The following TPCN1 variants were observed in gnomAD, a reference collection of about 807,000 sequenced individuals.
TPCN1 encodes two pore channel protein 1.
Under a neutral mutation model 108.8 loss-of-function variants are expected in TPCN1, and 52 were observed. The observed-to-expected ratio is 0.48, with a 90% CI of 0.38 to 0.60. The LOEUF (loss-of-function observed/expected upper bound fraction) is 0.60. Among genes scored for constraint, TPCN1 ranks in the 20% least tolerant of loss-of-function variants. The probability of loss-of-function intolerance (pLI) is 0.00; values close to 1 mark genes in which losing one functional copy is unlikely to be tolerated. For missense variants in TPCN1, 806 were observed against 1,072.8 expected, an observed-to-expected ratio of 0.75 and a Z score of 3.47; for synonymous variants, 446 against 433.7, an observed-to-expected ratio of 1.03 and a Z score of -0.35.
chr12:113,252,263 T>C (rs930271937), intron 2 of TPCN1, among the ~76,000 whole-genome samples: 1 of 152,088 alleles, frequency 6.6e-6, no homozygotes, highest in African/African-American at 2.4e-5. Flanking sequence ...GGGAGTGTCA[T>C]TGAGGCTTGT....
At position 113,260,106 on chromosome 12, in the gene TPCN1, C is replaced by T. The variant is rs185136147; in HGVS notation, c.113-262C>T. ...TCGATGTATTTATGTTTTCTTGTTTCCTCCCTTTTGTACACATTAGAGAGC... is the reference window on the plus strand; with the variant it reads ...TCGATGTATTTATGTTTTCTTGTTTTCTCCCTTTTGTACACATTAGAGAGC... On this transcript the variant is annotated intron_variant, in intron 2 of 27. Coordinates refer to ENST00000335509, the MANE Select transcript of TPCN1 (RefSeq NM_017901.6). Among the ~76,000 whole-genome samples the T allele has an allele frequency of 5.8e-3, 878 of 152,162 alleles. 5 individuals are homozygous for T. The highest frequency in any genetic ancestry group is 8.7e-3 in the Non-Finnish European group (592 of 67,992).
chr12:113,266,328 C>T lies in TPCN1; in HGVS notation c.386C>T (p.Ala129Val). The change falls in exon 4 of 28, where the codon GCC (alanine) becomes GTC (valine). Residue 129 changes from alanine (A) to valine (V), a missense_variant. Transcript: ENST00000335509. The surrounding 1 kb of genome is among the most constrained non-coding windows in gnomAD (Gnocchi z 4.2). ...CTGCTCTCCCTGTGCGAGGCCCCCGCCGTCCCCGCACTCCGGCTTGGCATC... is the reference window on the plus strand; with the variant it reads ...CTGCTCTCCCTGTGCGAGGCCCCCGTCGTCCCCGCACTCCGGCTTGGCATC... The part of the protein sequence containing the change: ...LLLLSLCEAP[A>V]VPALRLGIYV... 6.2e-7 allele frequency: 1 copy of T among 1,610,262 alleles called. No individual in the cohort carries two copies. Among genetic ancestry groups the T allele is most frequent in the Non-Finnish European group, 8.5e-7 (1 of 1,180,008 alleles).
intron 7 of TPCN1, among the ~76,000 whole-genome samples, chr12:113,270,271 A>G (rs1955438799): frequency 6.6e-6 from 1 of 152,150 alleles, no homozygotes; most frequent in Non-Finnish European, 1.5e-5. Flanking sequence ...TGCTGTAACA[A>G]AATGCCATAG....
intron 2 of TPCN1, among the ~76,000 whole-genome samples, chr12:113,242,837 C>A: frequency 6.6e-6 from 1 of 152,190 alleles, no homozygotes; most frequent in East Asian, 1.9e-4. Context: ...TGAGTTCCTC[C>A]CTGCCACTGG....
chr12:113,224,482 C>T (rs1237926401), intron 1 of TPCN1, among the ~76,000 whole-genome samples: 2 of 151,062 alleles, frequency 1.3e-5, no homozygotes, highest in Non-Finnish European at 3.0e-5. Flanking sequence ...CTGCAAGCTC[C>T]GCCTCCCGGG....
At position 113,272,716 on chromosome 12, in the gene TPCN1, G is replaced by A. The variant is rs377252088; in HGVS notation, c.783+24G>A. 26 of 1,610,448 alleles carry A rather than the reference G, an allele frequency of 1.6e-5. No homozygotes were observed. Among genetic ancestry groups the A allele is most frequent in the South Asian group, 1.4e-4 (13 of 90,984 alleles). ...CCGTAAGTAATCAGCACATTTGTCC[G>A]TCTCTTCTTTTATGGAGGGCTTTTC... On this transcript the variant is annotated intron_variant, in intron 8 of 27. Transcript: ENST00000335509. The surrounding 1 kb of genome is among the most constrained non-coding windows in gnomAD (Gnocchi z 4.1).
At position 113,226,873 on chromosome 12, in the gene TPCN1, C is replaced by G; in HGVS notation, c.21C>G (p.Asp7Glu). 6.2e-7 allele frequency: 1 copy of G among 1,614,128 alleles called. No individual in the cohort carries two copies. The highest frequency in any genetic ancestry group is 8.5e-7 in the Non-Finnish European group (1 of 1,180,040). MAVSLD[D>E]DVPLILTLDE... The stretch of plus-strand genomic sequence containing the variant: ...AGAACATGGCTGTGAGTTTGGATGA[C>G]GACGTGCCGCTCATCCTGACCTTGG... The change falls in exon 2 of 28, where the codon GAC becomes GAG. Residue 7 changes from aspartate (D) to glutamate (E), a missense_variant. Physicochemically the swap from Asp to Glu is conservative, Grantham distance 45 (BLOSUM62 2). Transcript: ENST00000335509.
chr12:113,256,748 AATC>A (rs200542390), intron 2 of TPCN1, among the ~76,000 whole-genome samples: 153 of 152,266 alleles, frequency 1.0e-3, no homozygotes, highest in African/African-American at 3.6e-3. Context: ...TGCCCAGGTT[AATC>A]TTGAACTCTT....
intron 19 of TPCN1, among the ~76,000 whole-genome samples, chr12:113,287,850 T>G (rs1193970391): frequency 6.6e-6 from 1 of 152,186 alleles, no homozygotes; most frequent in Non-Finnish European, 1.5e-5. Flanking sequence ...CCCCGCTCTT[T>G]CCCAGGAGCA....
At chr12:113,286,593 T>C (rs574789991) in intron 18 of TPCN1, among the ~76,000 whole-genome samples, 1 of 152,334 alleles carries the variant, frequency 6.6e-6, no homozygotes, top group East Asian at 1.9e-4. Context: ...AAAAAGTTCC[T>C]TGGGGTCAGG....
intron 3 of TPCN1, among the ~76,000 whole-genome samples, chr12:113,265,548 C>CT (rs773726528): frequency 0.014 from 1,953 of 140,932 alleles, 34 homozygotes; most frequent in South Asian, 0.058. Context: ...CTTTTTCTTT[C>CT]TTTTTTTTTT....
chr12:113,260,445 G>T lies in TPCN1; in HGVS notation c.190G>T (p.Ala64Ser), dbSNP rs199561096. Residue 64 changes from alanine (A) to serine (S), a missense_variant, in exon 3 of 28, where the codon GCA becomes TCA. Ala to Ser is a moderately conservative substitution (Grantham distance 99). Coordinates refer to ENST00000335509, the MANE Select transcript of TPCN1 (RefSeq NM_017901.6). ...GGGTGAGAGTTCCCCCTCCAGCCCC[G>T]CACACAACTGGGAGATGAATTACCA... is the stretch of plus-strand genomic sequence containing the variant. ...SGGESSPSSP[A>S]HNWEMNYQEA... 6.4e-7 allele frequency: 1 copy of T among 1,561,254 alleles called. No homozygotes were observed. Among genetic ancestry groups the T allele is most frequent in the Non-Finnish European group, 8.6e-7 (1 of 1,157,486 alleles).
At chr12:113,279,311 ATATATATGTGTGTGTGTGTGTGTGTG>A in intron 14 of TPCN1, among the ~76,000 whole-genome samples, 11 of 130,674 alleles carry the variant, frequency 8.4e-5, no homozygotes, top group African/African-American at 3.0e-4. Context: ...GTGTGTGTAT[ATATATATGTGTGTGTGTGTGTGTGTG>A]TATATATATG....
chr12:113,288,808 T>C lies in TPCN1; in HGVS notation c.1757T>C (p.Met586Thr). Residue 586 changes from methionine to threonine, a missense_variant, in exon 21 of 28, where the codon ATG (methionine) becomes ACG (threonine). Coordinates refer to ENST00000335509, the MANE Select transcript of TPCN1 (RefSeq NM_017901.6). The surrounding 1 kb of genome is among the most constrained non-coding windows in gnomAD (Gnocchi z 4.8). ...TACTACTCCTTCGCCATCGTGGGCATGGAGTTCTTCTGCGGGATCGTCTTC... is the reference window on the plus strand; with the variant it reads ...TACTACTCCTTCGCCATCGTGGGCACGGAGTTCTTCTGCGGGATCGTCTTC... ...IFYYSFAIVG[M>T]EFFCGIVFPN... 6.2e-7 allele frequency: 1 copy of C among 1,613,664 alleles called. No homozygotes were observed. The highest frequency in any genetic ancestry group is 8.5e-7 in the Non-Finnish European group (1 of 1,180,030).
chr12:113,222,596 A>ACAGG (rs1953284120), intron 1 of TPCN1, among the ~76,000 whole-genome samples: 1 of 152,270 alleles, frequency 6.6e-6, no homozygotes, highest in Non-Finnish European at 1.5e-5. Flanking sequence ...CAAAGGCAGT[A>ACAGG]CAGGCAGGCA....
At chr12:113,293,390 C>G (rs1956331926) in intron 27 of TPCN1, 41 bp downstream of exon 27, 2 of 1,585,770 alleles carry the variant, frequency 1.3e-6, no homozygotes, top group Admixed American at 3.3e-5. Context: ...CTCCCCCAAG[C>G]TATGTCCTGG....
At chr12:113,277,119 C>T in intron 11 of TPCN1, 84 bp downstream of exon 11, 1 of 1,597,164 alleles carries the variant, frequency 6.3e-7, no homozygotes, top group Non-Finnish European at 8.6e-7. Flanking sequence ...CCAGGCCAGC[C>T]ACTTTAGAAA....
Position 113,255,531 on chromosome 12 carries a change from A to AT in TPCN1, c.113-4825dup, listed in dbSNP as rs1166310005. ...ATTGACTAATTATTATTATTAATTA[A>AT]TTTTTTTTTTTTGAGACAGAGTCTC... On this transcript the variant is annotated intron_variant, in intron 2 of 27. Transcript: ENST00000335509. 3.8e-3 allele frequency among the ~76,000 whole-genome samples: 558 copies of AT among 146,998 alleles called. 2 individuals carry two copies. The highest frequency in any genetic ancestry group is 5.0e-3 in the Non-Finnish European group (329 of 66,302).
In TPCN1 at chr12:113,272,636, ATC is replaced by A; in HGVS notation, c.749-20_749-19del. 1 of 1,612,066 alleles carries A rather than the reference ATC, an allele frequency of 6.2e-7. No individual in the cohort carries two copies. The highest frequency in any genetic ancestry group is 8.5e-7 in the Non-Finnish European group (1 of 1,178,116). On this transcript the variant is annotated intron_variant, in intron 7 of 27. Transcript: ENST00000335509. The surrounding 1 kb of genome is among the most constrained non-coding windows in gnomAD (Gnocchi z 4.1). ...GACCTCTGCTCTAATCCTTTTGTTT[ATC>A]TGTTTCCACCCACTTCTAGGTTTCT...
Sources: gnomAD v4.1 joint callset for allele counts (sites outside exome capture counted in the v4.1 genomes callset) on GRCh38, gnomAD v4.1.1 for gene constraint, Gnocchi (gnomAD v3.1) non-coding constraint, MANE v1.5 for transcripts, NCBI Gene and HGNC (gene_info 2026-07-23, HGNC 2026-07-21) for gene names.